Variants in ALK observed in about 807,000 individuals in gnomAD.
The protein encoded by ALK is ALK receptor tyrosine kinase, also known as ALK tyrosine kinase receptor.
ALK carries 74 observed loss-of-function variants against 163.1 expected under a neutral mutation model. The observed-to-expected ratio is 0.45, with a 90% confidence interval of 0.38 to 0.55. The LOEUF (loss-of-function observed/expected upper bound fraction) is 0.55, where lower values mean the gene tolerates loss of function less well. Among genes scored for constraint, ALK ranks in the 20% least tolerant of loss-of-function variants. ALK has a pLI of 0.00. For missense variants in ALK, 2,063 were observed against 2,105.3 expected (o/e 0.98, Z 0.39); for synonymous variants, 960 against 843.2 (o/e 1.14, Z -2.40).
chr2:29,532,242 T>C, intron 3 of ALK, 126 bp from the exon 4 acceptor site: 1 of 860,654 alleles, frequency 1.2e-6, no homozygotes, highest in Non-Finnish European at 1.9e-6. Flanking sequence ...TCTCCTTCTC[T>C]GCATGCACCC....
chr2:29,225,639 A>C (rs2148176795), intron 18 of ALK, 74 bp from the exon 19 acceptor site: 1 of 1,264,036 alleles, frequency 7.9e-7, no homozygotes, highest in Non-Finnish European at 1.1e-6. Flanking sequence ...GTCAGAAATA[A>C]CCTCCCCCAC....
intron 4 of ALK, among the ~76,000 whole-genome samples, chr2:29,476,361 T>G (rs1558341297): frequency 1.3e-5 from 2 of 152,112 alleles, no homozygotes; most frequent in Non-Finnish European, 2.9e-5. Flanking sequence ...ATTACCACAA[T>G]CATTTTAAAC....
Position 29,356,359 on chromosome 2 carries a change from C to T in ALK, c.1282+27373G>A, listed in dbSNP as rs142883507. Reference sequence around the variant, plus strand: ...TACATAACTTACTCTATAGCTTACACGGCTAGTGAGGGTGGTACCTGGATT... The same window carrying T: ...TACATAACTTACTCTATAGCTTACATGGCTAGTGAGGGTGGTACCTGGATT... On this transcript the variant is annotated intron_variant, in intron 5 of 28. Coordinates refer to ENST00000389048, the MANE Select transcript of ALK (RefSeq NM_004304.5). Among the ~76,000 whole-genome samples, 9 of 152,182 alleles carry T rather than the reference C, an allele frequency of 5.9e-5. No individual in the cohort carries two copies. The East Asian group carries it at 1.2e-3, about 20-fold the overall frequency.
chr2:29,761,632 G>A (rs1473483573), intron 1 of ALK, among the ~76,000 whole-genome samples: 1 of 152,236 alleles, frequency 6.6e-6, no homozygotes, highest in African/African-American at 2.4e-5. Context: ...CTCTTCTGCT[G>A]TCTGCTGGGA....
intron 1 of ALK, among the ~76,000 whole-genome samples, chr2:29,846,036 A>C (rs911595985): frequency 3.3e-5 from 5 of 152,190 alleles, no homozygotes; most frequent in Non-Finnish European, 5.9e-5. Flanking sequence ...TGGCCCATAC[A>C]TCTGGCCCAT....
intron 1 of ALK, among the ~76,000 whole-genome samples, chr2:29,721,912 T>C (rs1679433924): frequency 6.6e-6 from 1 of 152,242 alleles, no homozygotes; most frequent in Non-Finnish European, 1.5e-5. Flanking sequence ...ACCTTCTTCT[T>C]CCCGTGTTCT....
chr2:29,627,040 A>G (rs1426997689), intron 3 of ALK, among the ~76,000 whole-genome samples: 1 of 152,174 alleles, frequency 6.6e-6, no homozygotes, highest in African/African-American at 2.4e-5. Context: ...TGCAGTTTCC[A>G]AAAGAGAAAG....
chr2:29,919,787 A>G (rs1028815864), intron 1 of ALK, among the ~76,000 whole-genome samples: 1 of 152,186 alleles, frequency 6.6e-6, no homozygotes, highest in Non-Finnish European at 1.5e-5. Context: ...TGGTTGCTAA[A>G]GAGGAAGGAA....
intron 5 of ALK, among the ~76,000 whole-genome samples, chr2:29,381,389 G>T (rs1032769424): frequency 6.6e-6 from 1 of 152,244 alleles, no homozygotes. Flanking sequence ...TAAGTGTAAG[G>T]ATGTAGAGAG....
At chr2:29,811,564 G>T (rs1369515563) in intron 1 of ALK, among the ~76,000 whole-genome samples, 1 of 152,144 alleles carries the variant, frequency 6.6e-6, no homozygotes, top group African/African-American at 2.4e-5. Context: ...GTGTGAGATG[G>T]AACTAACTCA....
At chr2:29,640,544 C>G (rs1676673002) in intron 3 of ALK, among the ~76,000 whole-genome samples, 1 of 152,174 alleles carries the variant, frequency 6.6e-6, no homozygotes, top group South Asian at 2.1e-4. Context: ...TCTGTACATG[C>G]CTATACATGA....
At chr2:29,613,264 A>G (rs1048190073) in intron 3 of ALK, among the ~76,000 whole-genome samples, 9 of 152,248 alleles carry the variant, frequency 5.9e-5, no homozygotes. Flanking sequence ...GCTCAACTGC[A>G]ATAATCAATT....
intron 1 of ALK, among the ~76,000 whole-genome samples, chr2:29,876,040 C>T (rs149330451): frequency 2.6e-4 from 40 of 152,278 alleles, no homozygotes; most frequent in East Asian, 5.8e-4. Context: ...CTCTGGACTA[C>T]GGGCACTGCC....
intron 4 of ALK, among the ~76,000 whole-genome samples, chr2:29,412,322 C>G (rs1669744047): frequency 6.6e-6 from 1 of 152,332 alleles, no homozygotes; most frequent in South Asian, 2.1e-4. Flanking sequence ...CTGGGTCATC[C>G]ATGACTTCTA....
chr2:29,445,721 C>T (rs924106032), intron 4 of ALK, among the ~76,000 whole-genome samples: 1 of 152,132 alleles, frequency 6.6e-6, no homozygotes, highest in African/African-American at 2.4e-5. Context: ...ACTTGGGAGG[C>T]TGAGGCAGTA....
chr2:29,553,962 C>G (rs1673779008), intron 3 of ALK, among the ~76,000 whole-genome samples: 1 of 152,130 alleles, frequency 6.6e-6, no homozygotes, highest in South Asian at 2.1e-4. Flanking sequence ...AACCCTTTAT[C>G]TATTATATTT....
chr2:29,702,229 C>T (rs1384952976), intron 2 of ALK, among the ~76,000 whole-genome samples: 3 of 152,046 alleles, frequency 2.0e-5, no homozygotes, highest in Non-Finnish European at 2.9e-5. Context: ...AAAAAAAAGG[C>T]ATGGTATGCA....
intron 23 of ALK, among the ~76,000 whole-genome samples, chr2:29,219,314 A>G (rs1669721626): frequency 6.6e-6 from 1 of 152,280 alleles, no homozygotes; most frequent in African/African-American, 2.4e-5. Context: ...CTTCTTAGAT[A>G]CTGAGATGCG....
intron 3 of ALK, among the ~76,000 whole-genome samples, chr2:29,622,738 G>A (rs1676071964): frequency 6.6e-6 from 1 of 152,022 alleles, no homozygotes. Context: ...CCCCTCCTCT[G>A]CACATGCTCT....
Sources: gnomAD v4.1 joint callset for allele counts (sites outside exome capture counted in the v4.1 genomes callset) on GRCh38, gnomAD v4.1.1 for gene constraint, MANE v1.5 for transcripts, NCBI Gene and HGNC (gene_info 2026-07-23, HGNC 2026-07-21) for gene names.